Variants in KLHL4 observed in about 807,000 individuals in gnomAD.
KLHL4 encodes kelch like family member 4, also known as kelch-like protein 4.
Under a neutral mutation model 45.8 loss-of-function variants are expected in KLHL4, and 17 were observed. The observed-to-expected ratio is 0.37, with a 90% CI of 0.25 to 0.56. KLHL4 has a LOEUF of 0.56. KLHL4 is among the 20% of genes least tolerant of loss of function. The probability of loss-of-function intolerance (pLI) is 0.79; values close to 1 mark genes in which losing one functional copy is unlikely to be tolerated. For synonymous variants in KLHL4, 224 were observed against 189.9 expected, an observed-to-expected ratio of 1.18 and a Z score of -1.47; for missense variants, 544 against 544.9, an observed-to-expected ratio of 1.00 and a Z score of 0.02.
chrX:87,607,653 G>T (rs1922241539), intron 1 of KLHL4, among the ~76,000 whole-genome samples: 1 of 111,633 alleles, frequency 9.0e-6, no homozygotes. Context: ...AAATCAACTG[G>T]ACCTGTAATG....
At position 87,652,880 on chromosome X, in the gene KLHL4, A is replaced by G. The variant is rs1923864568; in HGVS notation, c.1926-11884A>G. 3.6e-5 allele frequency among the ~76,000 whole-genome samples: 4 copies of G among 112,249 alleles called. No homozygotes were observed. In the South Asian group the frequency reaches 1.5e-3, roughly 42 times the overall value. On this transcript the variant is annotated intron_variant, in intron 9 of 10. Transcript: ENST00000373119. ...CCATTTTCACACTGCTGATAAAGAC[A>G]TACCCAAGACTGGGAAGAAAAAGAG...
intron 1 of KLHL4, among the ~76,000 whole-genome samples, chrX:87,608,015 A>G (rs1421525265): frequency 9.0e-6 from 1 of 111,640 alleles, no homozygotes; most frequent in Non-Finnish European, 1.9e-5. Flanking sequence ...CACACTTATG[A>G]TTACTACACC....
chrX:87,535,241 T>C (rs926776852), intron 1 of KLHL4, among the ~76,000 whole-genome samples: 38 of 111,533 alleles, frequency 3.4e-4, no homozygotes, highest in East Asian at 1.7e-3. Context: ...ACCTAATTAG[T>C]GGCAAAACTG....
chrX:87,591,549 A>G (rs1353235592), intron 1 of KLHL4, among the ~76,000 whole-genome samples: 2 of 111,531 alleles, frequency 1.8e-5, no homozygotes, highest in Non-Finnish European at 3.8e-5. Context: ...TCTGGATATC[A>G]ATCCCTTGTC....
At chrX:87,617,776 A>T (rs1922606282) in intron 3 of KLHL4, among the ~76,000 whole-genome samples, 156 bp from the exon 4 acceptor site, 1 of 111,862 alleles carries the variant, frequency 8.9e-6, no homozygotes, top group Admixed American at 9.6e-5. Flanking sequence ...GTTTACAGAC[A>T]GACTCTCTTG....
At chrX:87,619,555 G>A (rs1481765444) in intron 4 of KLHL4, among the ~76,000 whole-genome samples, 4 of 111,432 alleles carry the variant, frequency 3.6e-5, no homozygotes, top group Non-Finnish European at 7.5e-5. Flanking sequence ...GAAGGTCAAA[G>A]GTTTATTCTA....
At chrX:87,629,777 T>G (rs1029180002) in intron 6 of KLHL4, among the ~76,000 whole-genome samples, 57 of 111,683 alleles carry the variant, frequency 5.1e-4, no homozygotes, top group Non-Finnish European at 9.8e-4. Flanking sequence ...TTGGAAAACA[T>G]TCAGAGAAAA....
rs1409093467 is a variant in KLHL4 at position 87,590,907 on chromosome X, T to C, written c.423-22970T>C. On this transcript the variant is annotated intron_variant, in intron 1 of 10. Transcript: ENST00000373119. ...ATTCATCTATTGATGAAGACTTTGG[T>C]TGGTTCCATATGTTGACTATAGTAA... Among the ~76,000 whole-genome samples the C allele has an allele frequency of 9.8e-5, 11 of 112,160 alleles. No homozygotes were observed. The East Asian group carries it at 3.1e-3, about 32-fold the overall frequency.
chrX:87,526,676 T>C (rs1931118222), intron 1 of KLHL4, among the ~76,000 whole-genome samples: 1 of 111,789 alleles, frequency 8.9e-6, no homozygotes. Context: ...TTCTATTGCC[T>C]TTCTAAGGAA....
chrX:87,601,406 C>A (rs902629360), intron 1 of KLHL4, among the ~76,000 whole-genome samples: 1 of 111,446 alleles, frequency 9.0e-6, no homozygotes, highest in Non-Finnish European at 1.9e-5. Flanking sequence ...TGAGGGGCCA[C>A]GTGCAGGGTG....
chrX:87,552,693 TTATA>T (rs3049243), intron 1 of KLHL4, among the ~76,000 whole-genome samples: 2,778 of 88,801 alleles, frequency 0.031, 90 homozygotes, highest in African/African-American at 0.096. Flanking sequence ...AACTGTTAAA[TTATA>T]TATATATATA....
intron 1 of KLHL4, among the ~76,000 whole-genome samples, chrX:87,576,598 T>TA (rs1198824919): frequency 2.7e-5 from 3 of 112,056 alleles, no homozygotes; most frequent in Non-Finnish European, 5.6e-5. Flanking sequence ...TGATGATTTA[T>TA]ATGGAGTATT....
At chrX:87,589,768 G>T (rs941025868) in intron 1 of KLHL4, among the ~76,000 whole-genome samples, 1 of 111,013 alleles carries the variant, frequency 9.0e-6, no homozygotes, top group Admixed American at 9.5e-5. Context: ...GGTGGCTCAC[G>T]CCTGTAATCC....
chrX:87,573,461 C>A (rs899550345), intron 1 of KLHL4, among the ~76,000 whole-genome samples: 2 of 110,727 alleles, frequency 1.8e-5, no homozygotes, highest in African/African-American at 6.5e-5. Context: ...AAGATAACTT[C>A]AATAGTGACT....
intron 1 of KLHL4, among the ~76,000 whole-genome samples, chrX:87,565,098 T>G (rs1932177933): frequency 9.0e-6 from 1 of 111,464 alleles, no homozygotes; most frequent in African/African-American, 3.3e-5. Context: ...ACAAGGAAAA[T>G]TAGAAAATAT....
chrX:87,524,966 T>G (rs1180984469), intron 1 of KLHL4, among the ~76,000 whole-genome samples: 1 of 111,904 alleles, frequency 8.9e-6, no homozygotes, highest in Non-Finnish European at 1.9e-5. Context: ...TTGGTTGTTG[T>G]TTGTTTTGCT....
intron 9 of KLHL4, among the ~76,000 whole-genome samples, chrX:87,652,906 G>T (rs146066423): frequency 0.051 from 5,692 of 111,967 alleles, 374 homozygotes; most frequent in African/African-American, 0.17. Flanking sequence ...AGAAAAAGAG[G>T]TTTAATGGAC....
At chrX:87,661,881 C>T (rs1345779167) in intron 9 of KLHL4, among the ~76,000 whole-genome samples, 1 of 111,418 alleles carries the variant, frequency 9.0e-6, no homozygotes, top group Non-Finnish European at 1.9e-5. Context: ...AATTATGTGA[C>T]CTTGACCCAG....
At chrX:87,653,085 C>T (rs189264041) in intron 9 of KLHL4, among the ~76,000 whole-genome samples, 5,661 of 111,349 alleles carry the variant, frequency 0.051, 373 homozygotes, top group African/African-American at 0.17. Flanking sequence ...GAAAAACTGC[C>T]GCCATGATTC....
Sources: gnomAD v4.1 joint callset for allele counts (sites outside exome capture counted in the v4.1 genomes callset) on GRCh38, gnomAD v4.1.1 for gene constraint, MANE v1.5 for transcripts, NCBI Gene and HGNC (gene_info 2026-07-23, HGNC 2026-07-21) for gene names.